Variants in CDKAL1 observed in about 807,000 individuals in gnomAD.
The protein encoded by CDKAL1 is CDKAL1 threonylcarbamoyladenosine tRNA methylthiotransferase, also known as threonylcarbamoyladenosine tRNA methylthiotransferase.
In CDKAL1, 32 loss-of-function variants were observed where a neutral mutation model predicts 68.2. The ratio of observed to expected loss-of-function variants is 0.47; its 90% CI spans 0.35 to 0.63. The LOEUF (loss-of-function observed/expected upper bound fraction) is 0.63, where lower values mean the gene tolerates loss of function less well. Ranked by LOEUF, CDKAL1 falls within the 30% of genes least tolerant of loss-of-function variation. The pLI is 0.00. For synonymous variants in CDKAL1, 234 were observed against 244.3 expected (o/e 0.96, Z 0.39); for missense variants, 606 against 696.7 (o/e 0.87, Z 1.47).
chr6:20,873,830 T>C (rs754178854), intron 9 of CDKAL1, among the ~76,000 whole-genome samples: 37 of 152,216 alleles, frequency 2.4e-4, no homozygotes, highest in Non-Finnish European at 3.7e-4. Flanking sequence ...ACCAGGTTTC[T>C]CTTAACTTCC....
chr6:20,555,274 T>G (rs1047981028), intron 4 of CDKAL1, among the ~76,000 whole-genome samples: 1 of 152,208 alleles, frequency 6.6e-6, no homozygotes, highest in Admixed American at 6.5e-5. Context: ...ATTCTTTCAC[T>G]TTTTGTAATA....
chr6:20,608,945 G>T (rs894512419), intron 4 of CDKAL1, among the ~76,000 whole-genome samples: 1 of 152,182 alleles, frequency 6.6e-6, no homozygotes, highest in African/African-American at 2.4e-5. Flanking sequence ...AACCTTTACA[G>T]GAATGATTTT....
chr6:21,006,978 A>G (rs999976266), intron 11 of CDKAL1, among the ~76,000 whole-genome samples: 1 of 152,196 alleles, frequency 6.6e-6, no homozygotes, highest in Non-Finnish European at 1.5e-5. Context: ...TCACATATAC[A>G]TGAAGTAGTA....
intron 4 of CDKAL1, among the ~76,000 whole-genome samples, chr6:20,635,962 A>G (rs1265168057): frequency 1.3e-5 from 2 of 152,136 alleles, no homozygotes; most frequent in East Asian, 1.9e-4. Flanking sequence ...GTGTGATCTA[A>G]TGGTAGTAAA....
At chr6:20,583,317 G>C (rs1242486209) in intron 4 of CDKAL1, among the ~76,000 whole-genome samples, 4 of 152,098 alleles carry the variant, frequency 2.6e-5, no homozygotes, top group African/African-American at 9.7e-5. Flanking sequence ...AACTTAATCA[G>C]TATTGATGTC....
chr6:21,207,568 G>A (rs1363124403), intron 15 of CDKAL1, among the ~76,000 whole-genome samples: 1 of 152,068 alleles, frequency 6.6e-6, no homozygotes, highest in African/African-American at 2.4e-5. Context: ...TTATAGTATA[G>A]CAATTAAGAA....
In CDKAL1 at chr6:20,667,952, C is replaced by A. The variant is rs112152000; in HGVS notation, c.371+18575C>A. On this transcript the variant is annotated intron_variant, in intron 5 of 15. Transcript: ENST00000274695. ...GTGCAATGGAAACTTCATTACAGCT[C>A]TGATGTTAGCCACCTTATGCCCTTT... Among the ~76,000 whole-genome samples the A allele has an allele frequency of 2.6e-3, 390 of 152,214 alleles. 1 individual carries two copies. Among genetic ancestry groups the A allele is most frequent in the Middle Eastern group, 6.8e-3 (2 of 294 alleles).
chr6:20,968,279 A>C (rs1332763397), intron 10 of CDKAL1, among the ~76,000 whole-genome samples: 3 of 150,716 alleles, frequency 2.0e-5, no homozygotes, highest in Admixed American at 2.0e-4. Flanking sequence ...TCATGTCAGC[A>C]TCCCAAGCAG....
chr6:20,745,779 G>A (rs1470806081), intron 6 of CDKAL1, among the ~76,000 whole-genome samples: 3 of 152,182 alleles, frequency 2.0e-5, no homozygotes, highest in Non-Finnish European at 4.4e-5. Flanking sequence ...ATTAGTTTGC[G>A]TTGGGCCACA....
chr6:21,141,211 A>G (rs1375305196), intron 13 of CDKAL1, among the ~76,000 whole-genome samples: 1 of 152,212 alleles, frequency 6.6e-6, no homozygotes, highest in African/African-American at 2.4e-5. Flanking sequence ...GATCATGCCA[A>G]GCTCTGTCTA....
chr6:20,831,265 G>T, intron 8 of CDKAL1, among the ~76,000 whole-genome samples: 1 of 152,174 alleles, frequency 6.6e-6, no homozygotes, highest in East Asian at 1.9e-4. Context: ...CCTGCTGGTG[G>T]TGGAAGCAAT....
chr6:20,959,479 T>A (rs73375735), intron 10 of CDKAL1, among the ~76,000 whole-genome samples: 1,638 of 152,248 alleles, frequency 0.011, 32 homozygotes, highest in African/African-American at 0.036. Flanking sequence ...TTCAGGGTAC[T>A]TATTTTTTTC....
chr6:20,566,849 T>C (rs1298328445), intron 4 of CDKAL1, among the ~76,000 whole-genome samples: 2 of 152,116 alleles, frequency 1.3e-5, no homozygotes, highest in African/African-American at 2.4e-5. Flanking sequence ...ATGGGAGAAC[T>C]CAACTGTTTA....
At chr6:20,742,384 A>T (rs1773497331) in intron 6 of CDKAL1, among the ~76,000 whole-genome samples, 1 of 152,164 alleles carries the variant, frequency 6.6e-6, no homozygotes, top group African/African-American at 2.4e-5. Context: ...AAATAAGAAC[A>T]CATTTTGAAG....
chr6:21,090,812 T>C (rs1276223284), intron 12 of CDKAL1, among the ~76,000 whole-genome samples: 2 of 149,828 alleles, frequency 1.3e-5, no homozygotes, highest in African/African-American at 4.9e-5. Flanking sequence ...TTTCTTTTTT[T>C]TTTTTTTTTG....
At position 20,973,637 on chromosome 6, in the gene CDKAL1, C is replaced by T. The variant is rs148383182; in HGVS notation, c.909+18052C>T. Among the ~76,000 whole-genome samples, 873 of 152,256 alleles carry T rather than the reference C, an allele frequency of 5.7e-3. 9 individuals carry two copies. The highest frequency in any genetic ancestry group is 0.019 in the African/African-American group (798 of 41,554). ...TTTGTTTGTTTGAGACAGGGCCTTG[C>T]TCTGTCACCCAGGCTGGGGTGCAGT... On this transcript the variant is annotated intron_variant, in intron 10 of 15. Coordinates refer to ENST00000274695, the MANE Select transcript of CDKAL1 (RefSeq NM_017774.3).
chr6:20,856,667 A>G (rs996451015), intron 9 of CDKAL1, among the ~76,000 whole-genome samples: 2 of 152,188 alleles, frequency 1.3e-5, no homozygotes, highest in Non-Finnish European at 2.9e-5. Context: ...TCTTGTGACC[A>G]GGTACAAGAG....
At chr6:20,849,510 G>A (rs373375081) in intron 9 of CDKAL1, among the ~76,000 whole-genome samples, 2 of 151,568 alleles carry the variant, frequency 1.3e-5, no homozygotes, top group African/African-American at 4.9e-5. Context: ...GTGAACCCGG[G>A]AGGCGGAGCT....
chr6:20,977,995 A>G (rs184232091), intron 10 of CDKAL1, among the ~76,000 whole-genome samples: 4 of 152,322 alleles, frequency 2.6e-5, no homozygotes, highest in African/African-American at 4.8e-5. Flanking sequence ...AAAATAAGCA[A>G]TTGTAGACTC....
Sources: gnomAD v4.1 joint callset for allele counts (sites outside exome capture counted in the v4.1 genomes callset) on GRCh38, gnomAD v4.1.1 for gene constraint, MANE v1.5 for transcripts, NCBI Gene and HGNC (gene_info 2026-07-23, HGNC 2026-07-21) for gene names.